The following UTRN variants were observed in gnomAD, a reference collection of about 807,000 sequenced individuals.
UTRN encodes dystrophin-related protein 1.
In UTRN, 283 loss-of-function variants were observed where a neutral mutation model predicts 463.9. That is an observed-to-expected ratio of 0.61 (90% CI 0.55 to 0.67). UTRN has a LOEUF of 0.67. Among genes scored for constraint, UTRN ranks in the 30% least tolerant of loss-of-function variants. The pLI is 0.00. For missense variants in UTRN, 3,922 were observed against 4,084.3 expected (o/e 0.96, Z 1.08); for synonymous variants, 1,442 against 1,431.5 (o/e 1.01, Z -0.17).
intron 51 of UTRN, among the ~76,000 whole-genome samples, chr6:144,601,749 G>C (rs1339558212): frequency 6.6e-6 from 1 of 152,138 alleles, no homozygotes; most frequent in African/African-American, 2.4e-5. Flanking sequence ...TTCTAATGTG[G>C]ACAAAATGCT....
chr6:144,576,640 G>A (rs1801465110), intron 50 of UTRN, among the ~76,000 whole-genome samples: 1 of 151,754 alleles, frequency 6.6e-6, no homozygotes, highest in Non-Finnish European at 1.5e-5. Context: ...CTGTCTTTAT[G>A]TAAGTCAACA....
chr6:144,434,162 G>A (rs892996312), intron 9 of UTRN, among the ~76,000 whole-genome samples: 6 of 152,220 alleles, frequency 3.9e-5, no homozygotes, highest in South Asian at 2.1e-4. Flanking sequence ...CCAACACAGC[G>A]AAACCCCGTC....
intron 65 of UTRN, among the ~76,000 whole-genome samples, chr6:144,818,839 C>G (rs1056163033): frequency 6.6e-6 from 1 of 151,628 alleles, no homozygotes; most frequent in East Asian, 1.9e-4. Flanking sequence ...ATTCTGAGAC[C>G]CAGATATTGC....
intron 71 of UTRN, among the ~76,000 whole-genome samples, chr6:144,837,465 G>T (rs975683992): frequency 1.3e-5 from 2 of 152,316 alleles, no homozygotes; most frequent in South Asian, 2.1e-4. Context: ...TGCAGCAGGT[G>T]CAGAGAGCGT....
intron 51 of UTRN, among the ~76,000 whole-genome samples, chr6:144,595,831 A>G (rs929175820): frequency 6.6e-6 from 1 of 152,148 alleles, no homozygotes; most frequent in African/African-American, 2.4e-5. Flanking sequence ...GTTTTTTGAG[A>G]GTGTGATTTT....
At chr6:144,497,456 C>T (rs1308565560) in intron 33 of UTRN, among the ~76,000 whole-genome samples, 1 of 150,560 alleles carries the variant, frequency 6.6e-6, no homozygotes, top group Non-Finnish European at 1.5e-5. Context: ...TGGTGGATCA[C>T]CTGAGGTCAG....
chr6:144,673,857 G>GC (rs1445049033), intron 51 of UTRN, among the ~76,000 whole-genome samples: 6 of 152,080 alleles, frequency 3.9e-5, no homozygotes, highest in Non-Finnish European at 8.8e-5. Context: ...AATTCTCTCA[G>GC]CATTTATTCA....
At chr6:144,792,923 A>G (rs11963656) in intron 62 of UTRN, among the ~76,000 whole-genome samples, 1 of 152,178 alleles carries the variant, frequency 6.6e-6, no homozygotes, top group Non-Finnish European at 1.5e-5. Context: ...TACTGAATTA[A>G]GAAAATTATA....
chr6:144,743,471 G>A (rs1382035638), intron 54 of UTRN, among the ~76,000 whole-genome samples: 2 of 152,100 alleles, frequency 1.3e-5, no homozygotes, highest in Non-Finnish European at 2.9e-5. Context: ...GAGATATACA[G>A]AGGCTCAACC....
Position 144,656,964 on chromosome 6 carries a change from C to G in UTRN, c.7480-21442C>G, listed in dbSNP as rs377452962. Reference sequence around the variant, plus strand: ...TGTACTCTTTCTTCGAAAGAAGCTGCCATCAGCTGGGTGTAGTGGCTTACG... The same window carrying G: ...TGTACTCTTTCTTCGAAAGAAGCTGGCATCAGCTGGGTGTAGTGGCTTACG... On this transcript the variant is annotated intron_variant, in intron 51 of 74. Transcript: ENST00000367545. Among the ~76,000 whole-genome samples, 4 of 152,216 alleles carry G rather than the reference C, an allele frequency of 2.6e-5. No homozygotes were observed. The East Asian group carries it at 7.7e-4, about 29-fold the overall frequency.
intron 61 of UTRN, 35 bp from the exon 62 acceptor site, chr6:144,789,159 A>T (rs1211881760): frequency 3.3e-6 from 5 of 1,528,616 alleles, no homozygotes; most frequent in Non-Finnish European, 4.5e-6. Flanking sequence ...ATGGTTTTAA[A>T]TGCATCTAAC....
At chr6:144,443,603 T>A (rs1420795398) in intron 13 of UTRN, among the ~76,000 whole-genome samples, 1 of 151,888 alleles carries the variant, frequency 6.6e-6, no homozygotes, top group Non-Finnish European at 1.5e-5. Context: ...TGTAATAAAA[T>A]GATTTTGGGA....
intron 35 of UTRN, 145 bp downstream of exon 35, chr6:144,511,268 G>C (rs529887583): frequency 1.3e-6 from 1 of 782,736 alleles, no homozygotes; most frequent in African/African-American, 1.8e-5. Flanking sequence ...CATTAGACTA[G>C]GTTTTATTTT....
intron 51 of UTRN, among the ~76,000 whole-genome samples, chr6:144,613,812 G>A (rs931252494): frequency 6.6e-6 from 1 of 151,850 alleles, no homozygotes; most frequent in African/African-American, 2.4e-5. Context: ...AACTGAGGAA[G>A]GAACTTATAA....
At position 144,577,258 on chromosome 6, in the gene UTRN, C is replaced by A; in HGVS notation, c.7449C>A (p.Ile2483=). Residue 2483 remains isoleucine, a synonymous_variant, in exon 51 of 75, where the codon ATC becomes ATA. Coordinates refer to ENST00000367545, the MANE Select transcript of UTRN (RefSeq NM_007124.3). ...SHRENALQDS[I]LARELKQQMQ... ...GGGAGAATGCTCTTCAGGATAGTAT[C>A]TTGGCCAGGGAACTCAAACAGCAGA... 6.2e-7 allele frequency: 1 copy of A among 1,613,820 alleles called. No individual in the cohort carries two copies. The highest frequency in any genetic ancestry group is 8.5e-7 in the Non-Finnish European group (1 of 1,179,856).
In UTRN at chr6:144,533,198, A is replaced by C; in HGVS notation, c.6171A>C (p.Lys2057Asn). 1 of 1,614,168 alleles carries C rather than the reference A, an allele frequency of 6.2e-7. No individual in the cohort carries two copies. The change falls in exon 43 of 75, where the codon AAA (lysine) becomes AAC (asparagine). Residue 2057 changes from lysine to asparagine, a missense_variant. Physicochemically the swap from Lys to Asn is moderately conservative, Grantham distance 94. Around this residue, in one of 3 missense-constraint regions of UTRN, gnomAD observed 2,349 missense variants for 2,303.8 expected, o/e 1.02. Transcript: ENST00000367545. ...CAGATGGAAGCTTCTTGAAAGAAAAACTGGCAGGTTTAAACCAACGCTGGG... is the reference window on the plus strand; with the variant it reads ...CAGATGGAAGCTTCTTGAAAGAAAACCTGGCAGGTTTAAACCAACGCTGGG... ...SQADGSFLKE[K>N]LAGLNQRWDA...
At chr6:144,594,545 A>T (rs1242776007) in intron 51 of UTRN, among the ~76,000 whole-genome samples, 1 of 152,180 alleles carries the variant, frequency 6.6e-6, no homozygotes, top group Non-Finnish European at 1.5e-5. Flanking sequence ...ATTTTTCCTT[A>T]GATTTAAAAA....
In UTRN at chr6:144,373,675, A is replaced by T. The variant is rs375907803; in HGVS notation, c.80-29448A>T. Among the ~76,000 whole-genome samples, 75 of 152,348 alleles carry T rather than the reference A, an allele frequency of 4.9e-4. 3 individuals carry two copies. In the South Asian group the frequency reaches 0.014, roughly 29 times the overall value. The stretch of plus-strand genomic sequence containing the variant: ...ATCCGGATGGATTTTATGGCGTGTG[A>T]ATTACATCCCAATGACAAAAAATAG... On this transcript the variant is annotated intron_variant, in intron 2 of 74. Transcript: ENST00000367545.
intron 71 of UTRN, among the ~76,000 whole-genome samples, chr6:144,838,541 G>C (rs1164088539): frequency 6.6e-6 from 1 of 152,148 alleles, no homozygotes; most frequent in Non-Finnish European, 1.5e-5. Context: ...TTGAAGATTT[G>C]CGTGAGTGCC....
Sources: gnomAD v4.1 joint callset for allele counts (sites outside exome capture counted in the v4.1 genomes callset) on GRCh38, gnomAD v4.1.1 for gene constraint, gnomAD v4.1.1 regional missense constraint, MANE v1.5 for transcripts, NCBI Gene and HGNC (gene_info 2026-07-23, HGNC 2026-07-21) for gene names.